The following PCDH9 variants were observed in gnomAD, a reference collection of about 807,000 sequenced individuals.
PCDH9 encodes protocadherin-9.
Under a neutral mutation model 70.6 loss-of-function variants are expected in PCDH9, and 24 were observed. That is an observed-to-expected ratio of 0.34 (90% confidence interval 0.25 to 0.48). The LOEUF is 0.48. Ranked by LOEUF, PCDH9 falls within the 20% of genes least tolerant of loss-of-function variation. The pLI is 0.99. For missense variants in PCDH9, 1,281 were observed against 1,503.6 expected (o/e 0.85, Z 2.45); for synonymous variants, 562 against 558.5 (o/e 1.01, Z -0.09).
intron 2 of PCDH9, among the ~76,000 whole-genome samples, chr13:67,142,514 TCTC>T (rs1481592762): frequency 6.6e-6 from 1 of 152,224 alleles, no homozygotes; most frequent in African/African-American, 2.4e-5. Context: ...AGTTCACTAC[TCTC>T]CTCCTGGTAA....
At chr13:67,011,936 T>C (rs1045908991) in intron 2 of PCDH9, among the ~76,000 whole-genome samples, 1 of 151,966 alleles carries the variant, frequency 6.6e-6, no homozygotes, top group African/African-American at 2.4e-5. Flanking sequence ...AACAGCACTC[T>C]TCTTTATAGC....
chr13:66,822,808 G>C (rs1300343904), intron 3 of PCDH9, among the ~76,000 whole-genome samples: 2 of 151,952 alleles, frequency 1.3e-5, no homozygotes, highest in African/African-American at 4.8e-5. Flanking sequence ...GCACTCGGAT[G>C]ATATTCTGGA....
In PCDH9 at chr13:67,060,882, A is replaced by G. The variant is rs2085526236; in HGVS notation, c.3037-157277T>C. Among the ~76,000 whole-genome samples, 4 of 152,250 alleles carry G rather than the reference A, an allele frequency of 2.6e-5. No individual in the cohort carries two copies. In the South Asian group the frequency reaches 8.3e-4, roughly 32 times the overall value. ...ATTCTCTTTAAAGGCTTCCTTTAAG[A>G]TCATTAAAACTAGAACTCGTATGCA... On this transcript the variant is annotated intron_variant, in intron 2 of 4. Coordinates refer to ENST00000377865, the MANE Select transcript of PCDH9 (RefSeq NM_203487.3).
intron 2 of PCDH9, among the ~76,000 whole-genome samples, chr13:66,912,421 A>T (rs1441750992): frequency 3.3e-5 from 5 of 152,226 alleles, no homozygotes; most frequent in African/African-American, 1.2e-4. Flanking sequence ...TAAAATGGAG[A>T]CGAGCCCAGG....
intron 2 of PCDH9, among the ~76,000 whole-genome samples, chr13:66,931,273 A>T (rs968109036): frequency 6.6e-6 from 1 of 152,120 alleles, no homozygotes; most frequent in African/African-American, 2.4e-5. Context: ...ACATTCAAAG[A>T]TGAGCTAGCC....
At chr13:66,995,463 A>G (rs1730259148) in intron 2 of PCDH9, among the ~76,000 whole-genome samples, 1 of 152,176 alleles carries the variant, frequency 6.6e-6, no homozygotes, top group South Asian at 2.1e-4. Context: ...AGTGTCCACC[A>G]CTAAGGGAAA....
At chr13:66,781,250 G>A (rs939836678) in intron 3 of PCDH9, among the ~76,000 whole-genome samples, 2 of 152,052 alleles carry the variant, frequency 1.3e-5, no homozygotes, top group Non-Finnish European at 2.9e-5. Context: ...AATGACTTTT[G>A]GTGTATTAGC....
chr13:66,574,881 G>T (rs2076790829), intron 4 of PCDH9, among the ~76,000 whole-genome samples: 1 of 152,114 alleles, frequency 6.6e-6, no homozygotes, highest in Non-Finnish European at 1.5e-5. Context: ...TAATAGCAAA[G>T]ATATTTTTGG....
At chr13:66,922,738 T>A (rs1236158834) in intron 2 of PCDH9, among the ~76,000 whole-genome samples, 1 of 151,548 alleles carries the variant, frequency 6.6e-6, no homozygotes, top group Non-Finnish European at 1.5e-5. Flanking sequence ...GCTGCTATTA[T>A]ATTAGAAATG....
chr13:66,845,524 G>A (rs2081192855), intron 3 of PCDH9, among the ~76,000 whole-genome samples: 1 of 152,204 alleles, frequency 6.6e-6, no homozygotes, highest in South Asian at 2.1e-4. Flanking sequence ...ACAGCCATGG[G>A]TTGGGTGGCT....
At chr13:67,097,091 CA>C (rs11454471) in intron 2 of PCDH9, among the ~76,000 whole-genome samples, 193 of 142,218 alleles carry the variant, frequency 1.4e-3, no homozygotes, top group African/African-American at 3.5e-3. Context: ...ACAGAAAATA[CA>C]AAAAAAAAAA....
chr13:67,123,670 C>T (rs1249217144), intron 2 of PCDH9, among the ~76,000 whole-genome samples: 1 of 152,064 alleles, frequency 6.6e-6, no homozygotes, highest in African/African-American at 2.4e-5. Context: ...GTACCTACAA[C>T]TAAACATTCA....
intron 2 of PCDH9, among the ~76,000 whole-genome samples, chr13:67,077,199 C>T (rs75989856): frequency 0.1 from 15,465 of 152,114 alleles, 865 homozygotes; most frequent in South Asian, 0.14. Context: ...TCAACATTGC[C>T]CATTAATCTC....
chr13:66,530,862 G>GT (rs888853899), intron 4 of PCDH9, among the ~76,000 whole-genome samples: 9 of 151,938 alleles, frequency 5.9e-5, no homozygotes, highest in African/African-American at 2.2e-4. Flanking sequence ...ATCCCTTTCA[G>GT]TTTTTTGAAG....
At position 66,656,226 on chromosome 13, in the gene PCDH9, C is replaced by T. The variant is rs115380022; in HGVS notation, c.3139-24815G>A. Among the ~76,000 whole-genome samples the T allele has an allele frequency of 6.5e-3, 989 of 152,170 alleles. 12 individuals are homozygous for T. The highest frequency in any genetic ancestry group is 0.023 in the African/African-American group (944 of 41,536). On this transcript the variant is annotated intron_variant, in intron 3 of 4. Transcript: ENST00000377865. ...AACAAAGTCAGTATATGCACAAGCA[C>T]TGTGGTGGAAGCCCCACTGACCTGC...
chr13:66,535,678 T>C (rs1413573918), intron 4 of PCDH9, among the ~76,000 whole-genome samples: 1 of 152,130 alleles, frequency 6.6e-6, no homozygotes, highest in Non-Finnish European at 1.5e-5. Flanking sequence ...GCAGATATTA[T>C]GCTTATTATG....
intron 4 of PCDH9, among the ~76,000 whole-genome samples, chr13:66,463,373 A>C (rs1441387802): frequency 6.6e-6 from 1 of 151,838 alleles, no homozygotes; most frequent in Non-Finnish European, 1.5e-5. Flanking sequence ...CATTGTATAA[A>C]ATTTGACTGA....
chr13:66,975,065 G>A (rs1481769615), intron 2 of PCDH9, among the ~76,000 whole-genome samples: 1 of 151,500 alleles, frequency 6.6e-6, no homozygotes, highest in Non-Finnish European at 1.5e-5. Flanking sequence ...GAAAATTGTG[G>A]GTTTAAAGCT....
intron 3 of PCDH9, among the ~76,000 whole-genome samples, chr13:66,895,427 T>C (rs576842939): frequency 5.3e-5 from 8 of 152,212 alleles, no homozygotes; most frequent in Non-Finnish European, 1.0e-4. Context: ...CACATATATG[T>C]GGATGACTGT....
Sources: gnomAD v4.1 joint callset for allele counts (sites outside exome capture counted in the v4.1 genomes callset) on GRCh38, gnomAD v4.1.1 for gene constraint, MANE v1.5 for transcripts, NCBI Gene and HGNC (gene_info 2026-07-23, HGNC 2026-07-21) for gene names.